The following GABARAPL1 variants were observed in gnomAD, a reference collection of about 807,000 sequenced individuals.
GABARAPL1 encodes the protein GABA type A receptor associated protein like 1, also known as gamma-aminobutyric acid receptor-associated protein-like 1.
GABARAPL1 carries 4 observed loss-of-function variants against 14.5 expected under a neutral mutation model. That is an observed-to-expected ratio of 0.28 (90% CI 0.14 to 0.63). The LOEUF is 0.63. Ranked by LOEUF, GABARAPL1 falls within the 30% of genes least tolerant of loss-of-function variation. GABARAPL1 has a pLI of 0.84. For missense variants in GABARAPL1, 82 were observed against 139.2 expected, an observed-to-expected ratio of 0.59 and a Z score of 2.07; for synonymous variants, 47 against 50.6, an observed-to-expected ratio of 0.93 and a Z score of 0.30.
At chr12:10,220,855 A>G in intron 3 of GABARAPL1, 1 of 1,417,046 alleles carries the variant, frequency 7.1e-7, no homozygotes, top group Non-Finnish European at 9.2e-7. Context: ...GATTCCTGAT[A>G]GCAAAAGTTC....
chr12:10,221,093 C>T, intron 3 of GABARAPL1: 1 of 985,338 alleles, frequency 1.0e-6, no homozygotes, highest in Non-Finnish European at 1.2e-6. Flanking sequence ...AAGACAACCA[C>T]ATTGATACTA....
rs758666286 is a variant in GABARAPL1 at position 10,220,420 on chromosome 12, TTTC to T, written c.170-13_170-11del. ...GTTTTCTTACTTTCTTTTCTGCCCT[TTTC>T]TTCTTCCATCATCCAGTTGGCCAGT... On this transcript the variant is annotated splice_polypyrimidine_tract_variant and intron_variant, in intron 2 of 3. Transcript: ENST00000266458. 1.8e-5 allele frequency: 29 copies of T among 1,611,814 alleles called. No homozygotes were observed. The highest frequency in any genetic ancestry group is 1.1e-4 in the African/African-American group (8 of 74,842).
chr12:10,216,105 TCA>T (rs1004778685), intron 1 of GABARAPL1, among the ~76,000 whole-genome samples: 1 of 152,168 alleles, frequency 6.6e-6, no homozygotes, highest in Non-Finnish European at 1.5e-5. Flanking sequence ...GCACGGTGGC[TCA>T]CACCTGTAAT....
chr12:10,220,664 G>A (rs1949116034), intron 3 of GABARAPL1, 106 bp downstream of exon 3: 2 of 1,571,482 alleles, frequency 1.3e-6, no homozygotes, highest in Non-Finnish European at 1.7e-6. Context: ...TGGGGCAGAA[G>A]GTGTTATTTA....
chr12:10,218,261 C>T, intron 2 of GABARAPL1, 120 bp downstream of exon 2: 1 of 728,016 alleles, frequency 1.4e-6, no homozygotes, highest in Non-Finnish European at 2.5e-6. Context: ...GAGTGGGATG[C>T]TCTGGAGTTA....
chr12:10,213,100 G>T lies in GABARAPL1; in HGVS notation c.-30G>T. On this transcript the variant is annotated 5_prime_UTR_variant, in exon 1 of 4. Coordinates refer to ENST00000266458, the MANE Select transcript of GABARAPL1 (RefSeq NM_031412.4). Reference sequence around the variant, plus strand: ...CAGCGGCGAAGGAGGCAGGCCCCGCGCGGGGATCTCGGAAGCCCTGCGGTG... The same window carrying T: ...CAGCGGCGAAGGAGGCAGGCCCCGCTCGGGGATCTCGGAAGCCCTGCGGTG... 7.0e-7 allele frequency: 1 copy of T among 1,421,426 alleles called. No individual in the cohort carries two copies. 88.1% of individuals were successfully genotyped at this position (1,421,426 alleles called of 1,614,324 possible).
Position 10,212,947 on chromosome 12 carries a change from A to G in GABARAPL1, c.-183A>G, listed in dbSNP as rs1158114164. The G allele has an allele frequency of 3.4e-6, 2 of 581,382 alleles. No homozygotes were observed. The highest frequency in any genetic ancestry group is 1.9e-5 in the African/African-American group (1 of 52,480). The allele number at this position is 581,382 out of a possible 1,614,324, so 36.0% of individuals were successfully genotyped here. ...ATCTGGCTCTCCTCTACCTCCAGGC[A>G]GGCTCACCCGAGATCCCCGCCCCGA... is the stretch of plus-strand genomic sequence containing the variant. On this transcript the variant is annotated 5_prime_UTR_variant, in exon 1 of 4. Transcript: ENST00000266458.
intron 2 of GABARAPL1, 135 bp from the exon 3 acceptor site, chr12:10,220,303 CTT>C: frequency 8.1e-7 from 1 of 1,236,988 alleles, no homozygotes. Flanking sequence ...GTATTTGGCT[CTT>C]CTCAGATGGT....
At chr12:10,213,314 C>T (rs889913816) in intron 1 of GABARAPL1, 95 bp downstream of exon 1, 2 of 771,620 alleles carry the variant, frequency 2.6e-6, no homozygotes, top group Middle Eastern at 2.6e-4. Flanking sequence ...CCAGGCGGCT[C>T]TGGAGAAGGG....
chr12:10,212,881 T>G lies in GABARAPL1; in HGVS notation c.-249T>G. 2.5e-6 allele frequency: 1 copy of G among 392,558 alleles called. No homozygotes were observed. 24.3% of individuals were successfully genotyped at this position (392,558 alleles called of 1,614,324 possible). A position where few individuals can be genotyped will look rare whatever the true frequency, so the allele number is the denominator to read the frequency against. On this transcript the variant is annotated 5_prime_UTR_variant, in exon 1 of 4. Transcript: ENST00000266458. ...AGCCCGACGCGCCACCCAGCTGTTT[T>G]TGTGCTCCCAGCTCTAGCGAAAAGC...
In GABARAPL1 at chr12:10,213,563, A is replaced by C. The variant is rs1470415204; in HGVS notation, c.90+344A>C. ...AGGGCCCCTGTGGGCGAGACTGGTT[A>C]GATCGGGGCCATGGATTGGCTGCCT... On this transcript the variant is annotated intron_variant, in intron 1 of 3. Transcript: ENST00000266458. 1.2e-5 allele frequency: 4 copies of C among 336,740 alleles called. 1 individual carries two copies. The highest frequency in any genetic ancestry group is 9.3e-5 in the South Asian group (4 of 42,964). The allele number at this position is 336,740 out of a possible 1,614,324, so 20.9% of individuals were successfully genotyped here. A position where few individuals can be genotyped will look rare whatever the true frequency, so the allele number is the denominator to read the frequency against.
chr12:10,213,142 T>C lies in GABARAPL1; in HGVS notation c.13T>C (p.Tyr5His). Residue 5 changes from tyrosine (Y) to histidine (H), a missense_variant, in exon 1 of 4, where the codon TAC (tyrosine) becomes CAC (histidine). Around this residue, in one of 3 missense-constraint regions of GABARAPL1, gnomAD observed 16 missense variants for 18.0 expected, o/e 0.89. Transcript: ENST00000266458. The stretch of plus-strand genomic sequence containing the variant: ...CCTGCGGTGCATCATGAAGTTCCAG[T>C]ACAAGGAGGACCATCCCTTTGAGTA... MKFQ[Y>H]KEDHPFEYRK... is the part of the protein sequence containing the mutation. 6.3e-7 allele frequency: 1 copy of C among 1,585,598 alleles called. No individual in the cohort carries two copies. The highest frequency in any genetic ancestry group is 1.7e-4 in the Middle Eastern group (1 of 6,022).
At chr12:10,213,931 TCC>T (rs1410047687) in intron 1 of GABARAPL1, 1 of 454,206 alleles carries the variant, frequency 2.2e-6, no homozygotes, top group Non-Finnish European at 4.4e-6. Context: ...ACGTTTTTTC[TCC>T]GTTTTGGACA....
intron 1 of GABARAPL1, 37 bp from the exon 2 acceptor site, chr12:10,218,026 T>A (rs1490354563): frequency 8.1e-7 from 1 of 1,232,328 alleles, no homozygotes; most frequent in Non-Finnish European, 1.2e-6. Flanking sequence ...GATTGCCTTC[T>A]GTAGTTTTCA....
At chr12:10,214,353 C>A (rs535160041) in intron 1 of GABARAPL1, 4 of 152,970 alleles carry the variant, frequency 2.6e-5, no homozygotes, top group African/African-American at 9.7e-5. Context: ...CAGTAGAAAC[C>A]TCTTGTAACC....
intron 1 of GABARAPL1, 134 bp from the exon 2 acceptor site, chr12:10,217,929 T>C (rs1398656420): frequency 1.6e-6 from 1 of 636,854 alleles, no homozygotes; most frequent in African/African-American, 1.8e-5. Flanking sequence ...GGTGGGGGGA[T>C]AAGAAATGAA....
At chr12:10,217,610 G>T (rs1949098017) in intron 1 of GABARAPL1, among the ~76,000 whole-genome samples, 1 of 152,166 alleles carries the variant, frequency 6.6e-6, no homozygotes, top group South Asian at 2.1e-4. Context: ...GCATGTGCCT[G>T]TAATCCCAGT....
At chr12:10,219,218 C>T (rs1047129327) in intron 2 of GABARAPL1, among the ~76,000 whole-genome samples, 9 of 151,666 alleles carry the variant, frequency 5.9e-5, no homozygotes, top group African/African-American at 1.9e-4. Context: ...ACTCAGGAGG[C>T]CAAGGCTGGA....
At chr12:10,216,505 A>G (rs1592004323) in intron 1 of GABARAPL1, among the ~76,000 whole-genome samples, 1 of 128,404 alleles carries the variant, frequency 7.8e-6, no homozygotes, top group African/African-American at 2.9e-5. Context: ...CATTTCCCAT[A>G]TGTTCTAACT....
Sources: allele counts gnomAD v4.1 joint callset (sites outside exome capture counted in the v4.1 genomes callset), GRCh38; gene constraint gnomAD v4.1.1; regional missense constraint gnomAD v4.1.1; transcripts MANE v1.5; gene names NCBI Gene and HGNC (gene_info 2026-07-23, HGNC 2026-07-21).